PTPRD: variants seen among roughly 807,000 people sequenced by gnomAD.
PTPRD encodes the protein protein tyrosine phosphatase receptor type D.
Under a neutral mutation model 214.5 loss-of-function variants are expected in PTPRD, and 34 were observed. The ratio of observed to expected loss-of-function variants is 0.16; its 90% CI spans 0.12 to 0.21. PTPRD has a LOEUF of 0.21. PTPRD is among the 10% of genes least tolerant of loss of function. PTPRD has a pLI of 1.00. For missense variants in PTPRD, 2,545 were observed against 2,398.7 expected, an observed-to-expected ratio of 1.06 and a Z score of -1.27; for synonymous variants, 1,128 against 845.7, an observed-to-expected ratio of 1.33 and a Z score of -5.79.
At chr9:9,463,056 C>A (rs1483048930) in intron 8 of PTPRD, among the ~76,000 whole-genome samples, 1 of 150,214 alleles carries the variant, frequency 6.7e-6, no homozygotes, top group African/African-American at 2.5e-5. Context: ...GGAACAAAAG[C>A]CTTTGTGGCA....
intron 9 of PTPRD, among the ~76,000 whole-genome samples, chr9:9,286,375 T>C (rs949814701): frequency 4.6e-5 from 7 of 151,864 alleles, no homozygotes; most frequent in Non-Finnish European, 1.0e-4. Flanking sequence ...CCTAGCATCA[T>C]CTTCATGGCC....
At chr9:10,153,009 G>T (rs1564165699) in intron 3 of PTPRD, among the ~76,000 whole-genome samples, 1 of 152,168 alleles carries the variant, frequency 6.6e-6, no homozygotes, top group African/African-American at 2.4e-5. Flanking sequence ...GTTATCAGGG[G>T]CTGATGGGTG....
chr9:8,898,219 G>A (rs568742062), intron 11 of PTPRD, among the ~76,000 whole-genome samples: 58 of 151,648 alleles, frequency 3.8e-4, no homozygotes, highest in African/African-American at 1.4e-3. Flanking sequence ...ATAAGGATGT[G>A]TGCCTCTCAG....
At chr9:10,096,874 T>C (rs976828625) in intron 3 of PTPRD, among the ~76,000 whole-genome samples, 71 of 152,194 alleles carry the variant, frequency 4.7e-4, no homozygotes, top group African/African-American at 1.7e-3. Flanking sequence ...TGCTTTTAGG[T>C]CTAACACTGA....
At chr9:9,986,920 A>T (rs1352409667) in intron 4 of PTPRD, among the ~76,000 whole-genome samples, 4 of 151,834 alleles carry the variant, frequency 2.6e-5, no homozygotes, top group African/African-American at 9.7e-5. Context: ...TAATTAAAAG[A>T]TACTCTCTAG....
rs2041890462 is a variant in PTPRD at position 10,495,861 on chromosome 9, A to G, written c.-600+116537T>C. The stretch of plus-strand genomic sequence containing the variant: ...AATCTGTAGTCTATTTTATTTAGCC[A>G]GTTAAATTTACTGATTGGGAGGAAT... On this transcript the variant is annotated intron_variant, in intron 2 of 45. Transcript: ENST00000381196. Among the ~76,000 whole-genome samples, 3 of 151,756 alleles carry G rather than the reference A, an allele frequency of 2.0e-5. No homozygotes were observed. In the South Asian group the frequency reaches 6.2e-4, roughly 31 times the overall value.
chr9:10,603,317 G>C lies in PTPRD; in HGVS notation c.-600+9081C>G, dbSNP rs139182436. Among the ~76,000 whole-genome samples the C allele has an allele frequency of 4.7e-3, 708 of 151,844 alleles. 8 individuals carry two copies. The highest frequency in any genetic ancestry group is 0.016 in the African/African-American group (670 of 41,466). ...GAGTTAGTTTTCCTTGATATGATTT[G>C]CCCTCTGCTTCTTTGTTCCCCTGGG... is the stretch of plus-strand genomic sequence containing the variant. On this transcript the variant is annotated intron_variant, in intron 2 of 45. Transcript: ENST00000381196.
At chr9:8,666,563 AG>A (rs1437673920) in intron 12 of PTPRD, among the ~76,000 whole-genome samples, 7 of 152,220 alleles carry the variant, frequency 4.6e-5, no homozygotes, top group Non-Finnish European at 7.3e-5. Context: ...CTCCTTTCAC[AG>A]AAACTACCTT....
intron 5 of PTPRD, among the ~76,000 whole-genome samples, chr9:9,887,980 G>A (rs1210266557): frequency 3.3e-5 from 5 of 152,060 alleles, no homozygotes; most frequent in Non-Finnish European, 7.4e-5. Context: ...GGTAAATGCC[G>A]AAACAGAAAA....
chr9:8,833,809 A>T (rs571084534), intron 11 of PTPRD, among the ~76,000 whole-genome samples: 3 of 151,822 alleles, frequency 2.0e-5, no homozygotes, highest in African/African-American at 7.2e-5. Context: ...GCTTTGAAAA[A>T]CAACTGTATT....
At chr9:9,660,922 C>T (rs191774340) in intron 7 of PTPRD, among the ~76,000 whole-genome samples, 77 of 152,048 alleles carry the variant, frequency 5.1e-4, no homozygotes, top group Non-Finnish European at 8.7e-4. Context: ...CATTGTGTCA[C>T]GTTTCAGCAG....
intron 12 of PTPRD, among the ~76,000 whole-genome samples, chr9:8,681,087 T>C (rs1417422020): frequency 1.3e-5 from 2 of 152,186 alleles, no homozygotes; most frequent in East Asian, 3.9e-4. Context: ...CCCTCAAGTG[T>C]CCTCCACATT....
intron 7 of PTPRD, among the ~76,000 whole-genome samples, chr9:9,590,476 G>T (rs1219172279): frequency 6.6e-6 from 1 of 151,800 alleles, no homozygotes; most frequent in African/African-American, 2.4e-5. Flanking sequence ...ATTATAAAAA[G>T]ACTACTTCTT....
At chr9:8,797,910 C>G (rs999161014) in intron 11 of PTPRD, among the ~76,000 whole-genome samples, 1 of 150,650 alleles carries the variant, frequency 6.6e-6, no homozygotes, top group African/African-American at 2.4e-5. Context: ...TGATATGTCA[C>G]CGAAGCTGGA....
At chr9:9,408,369 T>C (rs2074267934) in intron 8 of PTPRD, among the ~76,000 whole-genome samples, 2 of 151,760 alleles carry the variant, frequency 1.3e-5, no homozygotes, top group Non-Finnish European at 1.5e-5. Flanking sequence ...CGACAAGCAT[T>C]TTTTCCCAAC....
chr9:9,877,468 A>T (rs1330733839), intron 5 of PTPRD, among the ~76,000 whole-genome samples: 1 of 152,152 alleles, frequency 6.6e-6, no homozygotes, highest in Non-Finnish European at 1.5e-5. Context: ...CTTGAATGAT[A>T]TGTTAGAACC....
intron 11 of PTPRD, among the ~76,000 whole-genome samples, chr9:8,770,825 T>C (rs1295386674): frequency 6.6e-6 from 1 of 152,204 alleles, no homozygotes; most frequent in Non-Finnish European, 1.5e-5. Context: ...ACCTGAAAAC[T>C]TTAAGATGTA....
At chr9:9,045,474 A>T (rs1021783561) in intron 10 of PTPRD, among the ~76,000 whole-genome samples, 1 of 152,122 alleles carries the variant, frequency 6.6e-6, no homozygotes. Flanking sequence ...AAAGCTATTG[A>T]AGAGTAAGAC....
chr9:8,591,569 G>A (rs1171556800), intron 14 of PTPRD, among the ~76,000 whole-genome samples: 1 of 152,158 alleles, frequency 6.6e-6, no homozygotes, highest in Non-Finnish European at 1.5e-5. Flanking sequence ...GAAGCAAGAG[G>A]AGAAAGAATG....
Sources: gnomAD v4.1 joint callset for allele counts (sites outside exome capture counted in the v4.1 genomes callset) on GRCh38, gnomAD v4.1.1 for gene constraint, MANE v1.5 for transcripts, NCBI Gene and HGNC (gene_info 2026-07-23, HGNC 2026-07-21) for gene names.